RTL4: variants seen among roughly 807,000 people sequenced by gnomAD.
The protein encoded by RTL4 is retrotransposon Gag like 4.
Under a neutral mutation model 5.3 loss-of-function variants are expected in RTL4, and 4 were observed. The observed-to-expected ratio is 0.75, with a 90% CI of 0.37 to 1.72. RTL4 has a LOEUF of 1.72. Ranked by LOEUF, RTL4 falls within the 40% of genes most tolerant of loss-of-function variation. The pLI is 0.04. For missense variants in RTL4, 260 were observed against 227.1 expected (o/e 1.14, Z -0.93); for synonymous variants, 98 against 87.3 (o/e 1.12, Z -0.68).
At chrX:112,365,756 A>G in the RTL4 span, among the ~76,000 whole-genome samples, 1 of 111,392 alleles carries the variant, frequency 9.0e-6, no homozygotes, top group South Asian at 3.8e-4. Context: ...CTGCCTGCCC[A>G]CATAGGCAAT....
chrX:112,285,496 G>T, the RTL4 span, among the ~76,000 whole-genome samples: 1 of 111,267 alleles, frequency 9.0e-6, no homozygotes, highest in South Asian at 3.8e-4. Flanking sequence ...TAGAAGTATT[G>T]CCTTTTCTAA....
the RTL4 span, among the ~76,000 whole-genome samples, chrX:112,251,779 G>A: frequency 9.0e-6 from 1 of 111,432 alleles, no homozygotes; most frequent in Admixed American, 9.6e-5. Context: ...TGAAATATCT[G>A]GTAATGATAA....
chrX:112,343,124 T>C, the RTL4 span, among the ~76,000 whole-genome samples: 43 of 111,959 alleles, frequency 3.8e-4, no homozygotes, highest in African/African-American at 1.4e-3. Flanking sequence ...AAAGGTACTT[T>C]CATGTCTGTC....
the RTL4 span, among the ~76,000 whole-genome samples, chrX:112,181,574 A>T: frequency 6.3e-5 from 7 of 111,669 alleles, no homozygotes; most frequent in South Asian, 2.3e-3. Flanking sequence ...GGAAGCTCAA[A>T]CTGCGGGGAG....
exon 1 of RTL4, chrX:112,454,749 A>G (rs1926802893): frequency 2.5e-6 from 3 of 1,191,110 alleles, no homozygotes; most frequent in East Asian, 5.9e-5. Context: ...GCACGAAATC[A>G]TCATCTACCA....
At chrX:112,160,667 A>T in the RTL4 span, among the ~76,000 whole-genome samples, 2 of 111,519 alleles carry the variant, frequency 1.8e-5, no homozygotes, top group African/African-American at 6.5e-5. Flanking sequence ...TGAGGCATGG[A>T]GGCAGGACTT....
At chrX:112,302,118 G>A in the RTL4 span, among the ~76,000 whole-genome samples, 224 of 109,978 alleles carry the variant, frequency 2.0e-3, no homozygotes, top group African/African-American at 7.3e-3. Context: ...AAAATTAGCT[G>A]GGCATGGTGG....
At chrX:112,283,596 G>A in the RTL4 span, among the ~76,000 whole-genome samples, 1 of 111,562 alleles carries the variant, frequency 9.0e-6, no homozygotes, top group Non-Finnish European at 1.9e-5. Context: ...AAGTCACAAA[G>A]CTGCTACAGC....
chrX:112,291,367 TACACACACACACAC>T, the RTL4 span, among the ~76,000 whole-genome samples: 267 of 95,267 alleles, frequency 2.8e-3, 2 homozygotes, highest in African/African-American at 8.5e-3. Flanking sequence ...TGTATGTTTG[TACACACACACACAC>T]ACACACACAC....
the RTL4 span, among the ~76,000 whole-genome samples, chrX:112,133,569 G>A: frequency 1.7e-4 from 19 of 111,629 alleles, no homozygotes; most frequent in South Asian, 1.1e-3. Context: ...AGTTGATCAA[G>A]AGAGCAACAC....
chrX:112,431,357 G>A, the RTL4 span, among the ~76,000 whole-genome samples: 1 of 111,812 alleles, frequency 8.9e-6, no homozygotes, highest in Non-Finnish European at 1.9e-5. Context: ...GAAGAATAAA[G>A]GGAATTTTCT....
chrX:112,099,302 T>C, the RTL4 span, among the ~76,000 whole-genome samples: 3 of 111,795 alleles, frequency 2.7e-5, no homozygotes, highest in African/African-American at 9.7e-5. Flanking sequence ...AGTCACTACA[T>C]GCATTAGTGC....
At chrX:112,176,071 C>G in the RTL4 span, among the ~76,000 whole-genome samples, 1 of 110,687 alleles carries the variant, frequency 9.0e-6, no homozygotes, top group Admixed American at 9.6e-5. Context: ...CACGAGCATT[C>G]TTATACACCA....
chrX:112,305,817 C>G, the RTL4 span, among the ~76,000 whole-genome samples: 1 of 112,188 alleles, frequency 8.9e-6, no homozygotes, highest in African/African-American at 3.2e-5. Context: ...CAGATTTTGT[C>G]ATGTGCTGCC....
chrX:112,091,250 A>G, the RTL4 span, among the ~76,000 whole-genome samples: 2 of 111,120 alleles, frequency 1.8e-5, no homozygotes, highest in African/African-American at 3.3e-5. Context: ...TGTTTTATTT[A>G]TCTCTTGTCT....
At chrX:112,268,475 T>C in the RTL4 span, among the ~76,000 whole-genome samples, 2 of 111,579 alleles carry the variant, frequency 1.8e-5, no homozygotes, top group Non-Finnish European at 3.8e-5. Context: ...ATCTCATGAC[T>C]CCCAAATCTC....
At chrX:112,369,702 G>A in the RTL4 span, among the ~76,000 whole-genome samples, 2 of 112,098 alleles carry the variant, frequency 1.8e-5, no homozygotes, top group Non-Finnish European at 3.8e-5. Context: ...TAGGGGTTTT[G>A]AGCAGAGCAA....
At chrX:112,306,827 A>G in the RTL4 span, among the ~76,000 whole-genome samples, 3 of 111,479 alleles carry the variant, frequency 2.7e-5, no homozygotes, top group African/African-American at 9.8e-5. Context: ...TCAAGGGGAA[A>G]ATGTTTCTGC....
the RTL4 span, among the ~76,000 whole-genome samples, chrX:112,346,980 T>C: frequency 1.8e-5 from 2 of 111,834 alleles, no homozygotes; most frequent in African/African-American, 6.5e-5. Flanking sequence ...CAGCAACCTA[T>C]ATTTGGGTGA....
Sources: allele counts gnomAD v4.1 joint callset (sites outside exome capture counted in the v4.1 genomes callset), GRCh38; gene constraint gnomAD v4.1.1; transcripts MANE v1.5; gene names NCBI Gene and HGNC (gene_info 2026-07-23, HGNC 2026-07-21).